The following PHACTR2 variants were observed in gnomAD, a reference collection of about 807,000 sequenced individuals.
PHACTR2 encodes the protein phosphatase and actin regulator 2, also known as chromosome 6 open reading frame 56.
A neutral mutation model predicts 76.0 loss-of-function variants in PHACTR2; 30 were observed. That is an observed-to-expected ratio of 0.39 (90% CI 0.30 to 0.54). The LOEUF (loss-of-function observed/expected upper bound fraction) is 0.54, where lower values mean the gene tolerates loss of function less well. Ranked by LOEUF, PHACTR2 falls within the 20% of genes least tolerant of loss-of-function variation. The pLI, the probability that PHACTR2 is intolerant of heterozygous loss-of-function variation, is 0.61. For missense variants in PHACTR2, 696 were observed against 781.1 expected (o/e 0.89, Z 1.30); for synonymous variants, 292 against 292.5 (o/e 1.00, Z 0.02).
chr6:143,615,691 A>G (rs1247679574), intron 1 of PHACTR2, among the ~76,000 whole-genome samples: 2 of 152,188 alleles, frequency 1.3e-5, no homozygotes, highest in African/African-American at 4.8e-5. Flanking sequence ...AAATTATGGA[A>G]AGAGCCTTTC....
At chr6:143,576,885 A>AAAG (rs1775522418) in intron 1 of PHACTR2, among the ~76,000 whole-genome samples, 1 of 25,694 alleles carries the variant, frequency 3.9e-5, no homozygotes, top group Non-Finnish European at 1.1e-4. Context: ...CAAAAAAAAA[A>AAAG]AAAAAAAAAA....
chr6:143,701,418 C>T (rs575283856), intron 1 of PHACTR2, among the ~76,000 whole-genome samples: 1 of 152,310 alleles, frequency 6.6e-6, no homozygotes, highest in African/African-American at 2.4e-5. Flanking sequence ...GAGTACACTG[C>T]CTGCCGCCAG....
At chr6:143,797,464 G>A (rs564758425) in intron 11 of PHACTR2, among the ~76,000 whole-genome samples, 99 of 152,274 alleles carry the variant, frequency 6.5e-4, no homozygotes, top group East Asian at 3.1e-3. Flanking sequence ...TGCTTTTGGC[G>A]TTTTAGACAT....
Position 143,823,841 on chromosome 6 carries a change from C to A in PHACTR2, c.*152C>A. 1 of 682,342 alleles carries A rather than the reference C, an allele frequency of 1.5e-6. No individual in the cohort carries two copies. Among genetic ancestry groups the A allele is most frequent in the Admixed American group, 2.0e-5 (1 of 49,374 alleles). 42.3% of individuals were successfully genotyped at this position (682,342 alleles called of 1,614,324 possible). On this transcript the variant is annotated 3_prime_UTR_variant, in exon 13 of 13. Coordinates refer to ENST00000440869, the MANE Select transcript of PHACTR2 (RefSeq NM_001100164.2). This position sits in a 1 kb window ranked among gnomAD's most constrained non-coding sequence, Gnocchi z 5.7. ...TGTGACTCAGCTTGGCTGGGAAGTG[C>A]TCCTCACCTGTGTGGCCCAGATGGC...
upstream of PHACTR2, among the ~76,000 whole-genome samples, chr6:143,676,250 A>G (rs1382813100): frequency 6.6e-6 from 1 of 152,232 alleles, no homozygotes; most frequent in African/African-American, 2.4e-5. This position sits in a 1 kb window ranked among gnomAD's most constrained non-coding sequence, Gnocchi z 4.8. Context: ...TAAGGTAAAT[A>G]TAGCTGTATT....
At position 143,818,149 on chromosome 6, in the gene PHACTR2, A is replaced by G. The variant is rs6939405; in HGVS notation, c.1923-5525A>G. ...AATATAATAAAATAATCAATAAAAA[A>G]TTTAAATAAAATTTGATTAAAATGG... On this transcript the variant is annotated intron_variant, in intron 12 of 12. Coordinates refer to ENST00000440869, the MANE Select transcript of PHACTR2 (RefSeq NM_001100164.2). The surrounding 1 kb of genome is among the most constrained non-coding windows in gnomAD (Gnocchi z 4.9). 2.0e-5 allele frequency among the ~76,000 whole-genome samples: 3 copies of G among 151,998 alleles called. No individual in the cohort carries two copies. Among genetic ancestry groups the G allele is most frequent in the African/African-American group, 4.8e-5 (2 of 41,378 alleles).
At chr6:143,726,514 CAGAT>C (rs1329610193) in intron 2 of PHACTR2, among the ~76,000 whole-genome samples, 3 of 152,170 alleles carry the variant, frequency 2.0e-5, no homozygotes, top group Non-Finnish European at 2.9e-5. Context: ...TAAGTGGACT[CAGAT>C]AGTATTTTTT....
rs1229280683 is a variant in PHACTR2 at position 143,599,309 on chromosome 6, A to T, written c.217+62102A>T. 6.6e-6 allele frequency among the ~76,000 whole-genome samples: 1 copy of T among 152,196 alleles called. No homozygotes were observed. The highest frequency in any genetic ancestry group is 1.5e-5 in the Non-Finnish European group (1 of 68,026). ...AACTTTCATTAGGCTATTTAAGGAG[A>T]TCAGGCAGAAATTGATTCATGAGAG... On this transcript the variant is annotated intron_variant, in intron 1 of 11. Transcript: ENST00000367584. This position sits in a 1 kb window ranked among gnomAD's most constrained non-coding sequence, Gnocchi z 4.6.
chr6:143,747,293 T>C (rs1361362678), intron 2 of PHACTR2, among the ~76,000 whole-genome samples: 2 of 152,048 alleles, frequency 1.3e-5, no homozygotes, highest in South Asian at 4.1e-4. Context: ...GAAAAAAAAA[T>C]CCAGGTTCTT....
At chr6:143,584,853 AAG>A (rs1381594805) in intron 1 of PHACTR2, among the ~76,000 whole-genome samples, 2 of 152,128 alleles carry the variant, frequency 1.3e-5, no homozygotes, top group South Asian at 2.1e-4. Context: ...GCAGGTAATA[AAG>A]ATTAGGACTC....
At chr6:143,555,688 T>C (rs1489329768) in intron 1 of PHACTR2, among the ~76,000 whole-genome samples, 1 of 152,214 alleles carries the variant, frequency 6.6e-6, no homozygotes, top group Non-Finnish European at 1.5e-5. Context: ...TAGATGATTA[T>C]GGTGTCAAAA....
At chr6:143,705,698 T>G (rs1426564596) in intron 1 of PHACTR2, among the ~76,000 whole-genome samples, 3 of 152,224 alleles carry the variant, frequency 2.0e-5, no homozygotes, top group Admixed American at 6.5e-5. Context: ...GGTTGTGGGT[T>G]TTGAAGTACC....
Position 143,571,866 on chromosome 6 carries a change from C to T in PHACTR2, c.217+34659C>T, listed in dbSNP as rs191877718. On this transcript the variant is annotated intron_variant, in intron 1 of 11. Coordinates refer to the PHACTR2 transcript ENST00000367584. This position sits in a 1 kb window ranked among gnomAD's most constrained non-coding sequence, Gnocchi z 4.6. ...TATTATTTTAATGTTAGATTTATAACGTTCTGTTCATGTTCTTGGAAAATT... is the reference window on the plus strand; with the variant it reads ...TATTATTTTAATGTTAGATTTATAATGTTCTGTTCATGTTCTTGGAAAATT... Among the ~76,000 whole-genome samples, 194 of 152,244 alleles carry T rather than the reference C, an allele frequency of 1.3e-3. No homozygotes were observed. The highest frequency in any genetic ancestry group is 3.6e-3 in the African/African-American group (150 of 41,556).
At chr6:143,676,796 A>G (rs1300646693), upstream of PHACTR2, among the ~76,000 whole-genome samples, 2 of 152,198 alleles carry the variant, frequency 1.3e-5, no homozygotes, top group African/African-American at 2.4e-5. The surrounding 1 kb of genome is among the most constrained non-coding windows in gnomAD (Gnocchi z 4.8). Flanking sequence ...AGGGAAGAAG[A>G]CAATGGATCA....
At chr6:143,747,338 C>G (rs761653677) in intron 2 of PHACTR2, among the ~76,000 whole-genome samples, 2 of 152,196 alleles carry the variant, frequency 1.3e-5, no homozygotes, top group Non-Finnish European at 2.9e-5. Flanking sequence ...GTGGCACATG[C>G]AATTAGCAAA....
At chr6:143,699,653 G>T (rs996645759) in intron 1 of PHACTR2, among the ~76,000 whole-genome samples, 1 of 152,132 alleles carries the variant, frequency 6.6e-6, no homozygotes, top group Non-Finnish European at 1.5e-5. Flanking sequence ...ACAAGCTAAA[G>T]GTCTCTCCTC....
chr6:143,612,990 C>CT (rs747702538), intron 1 of PHACTR2, among the ~76,000 whole-genome samples: 336 of 152,020 alleles, frequency 2.2e-3, no homozygotes, highest in Admixed American at 2.8e-3. Flanking sequence ...TTTTGTTTTT[C>CT]TTTTTTTTGA....
At position 143,689,136 on chromosome 6, in the gene PHACTR2, C is replaced by T. The variant is rs1343335596; in HGVS notation, c.46+10927C>T. ...TCTTCGCCAAGCTGACTCCTTGTTT[C>T]GGCTGGATCCTTGTGCTTCATAGAG... On this transcript the variant is annotated intron_variant, in intron 1 of 12. Transcript: ENST00000440869. The surrounding 1 kb of genome is among the most constrained non-coding windows in gnomAD (Gnocchi z 4.4). Among the ~76,000 whole-genome samples the T allele has an allele frequency of 2.0e-5, 3 of 152,206 alleles. No homozygotes were observed. The highest frequency in any genetic ancestry group is 4.1e-4 in the South Asian group (2 of 4,836).
intron 2 of PHACTR2, 31 bp downstream of exon 2, chr6:143,712,214 G>A: frequency 7.5e-7 from 1 of 1,337,204 alleles, no homozygotes; most frequent in Non-Finnish European, 9.8e-7. Flanking sequence ...TAGAAGATGG[G>A]ATAAATTGTA....
Sources: gnomAD v4.1 joint callset for allele counts (sites outside exome capture counted in the v4.1 genomes callset) on GRCh38, gnomAD v4.1.1 for gene constraint, Gnocchi (gnomAD v3.1) non-coding constraint, MANE v1.5 for transcripts, NCBI Gene and HGNC (gene_info 2026-07-23, HGNC 2026-07-21) for gene names.